The following SCN11A variants were observed in gnomAD, a reference collection of about 807,000 sequenced individuals.
SCN11A encodes the protein sodium voltage-gated channel alpha subunit 11.
A neutral mutation model predicts 162.2 loss-of-function variants in SCN11A; 122 were observed. That is an observed-to-expected ratio of 0.75 (90% CI 0.65 to 0.87). SCN11A has a LOEUF of 0.87. Among genes scored for constraint, SCN11A ranks in the 40% least tolerant of loss-of-function variants. The pLI is 0.00. For missense variants in SCN11A, 2,015 were observed against 2,181.6 expected (o/e 0.92, Z 1.52); for synonymous variants, 758 against 751.5 (o/e 1.01, Z -0.14).
chr3:39,034,912 T>C (rs991304581), intron 1 of SCN11A, among the ~76,000 whole-genome samples: 1 of 151,984 alleles, frequency 6.6e-6, no homozygotes, highest in Non-Finnish European at 1.5e-5. Flanking sequence ...ATCTCTATAA[T>C]GAAAACTATA....
chr3:38,973,207 T>C (rs1391501875), intron 2 of SCN11A, among the ~76,000 whole-genome samples: 2 of 152,260 alleles, frequency 1.3e-5, no homozygotes, highest in African/African-American at 2.4e-5. Flanking sequence ...TTTAATCTTA[T>C]GTTTAGAAAC....
At chr3:38,938,164 G>A (rs1188806764) in intron 7 of SCN11A, among the ~76,000 whole-genome samples, 4 of 151,912 alleles carry the variant, frequency 2.6e-5, no homozygotes, top group South Asian at 2.1e-4. Context: ...CTCACTCATA[G>A]GTGGGAATTG....
intron 22 of SCN11A, among the ~76,000 whole-genome samples, chr3:38,881,542 A>C (rs74833943): frequency 0.097 from 14,793 of 152,222 alleles, 962 homozygotes; most frequent in East Asian, 0.19. Context: ...TTTCTGACAC[A>C]GGAAGCTCTT....
chr3:38,932,020 T>A (rs190476739), intron 7 of SCN11A, among the ~76,000 whole-genome samples: 1 of 152,114 alleles, frequency 6.6e-6, no homozygotes, highest in South Asian at 2.1e-4. Flanking sequence ...CCAAGTCAGA[T>A]ACCACAAATG....
Position 38,846,770 on chromosome 3 carries a change from T to C in SCN11A, c.5300A>G (p.His1767Arg). Residue 1767 changes from histidine to arginine, a missense_variant, in exon 30 of 30, where the codon CAT becomes CGT. By Grantham distance (29) the His-to-Arg change is conservative. Coordinates refer to ENST00000302328, the MANE Select transcript of SCN11A (RefSeq NM_001349253.2). ...ATTGCAAAGAGTCTGGAGTGGTGAA[T>C]GAGGCCCGTTTTCCAAGTCATTTTG... The part of the protein sequence containing the change: ...GDQNDLENGP[H>R]SPLQTLCNGD... The C allele has an allele frequency of 6.2e-7, 1 of 1,614,104 alleles. No individual in the cohort carries two copies.
At chr3:39,010,842 G>T (rs34753329) in intron 2 of SCN11A, among the ~76,000 whole-genome samples, 3,143 of 152,286 alleles carry the variant, frequency 0.021, 56 homozygotes, top group Non-Finnish European at 0.029. Context: ...TTTCCGAACT[G>T]GGGGGTGGAA....
At chr3:38,993,137 G>C (rs2030505353) in intron 2 of SCN11A, among the ~76,000 whole-genome samples, 1 of 152,338 alleles carries the variant, frequency 6.6e-6, no homozygotes, top group South Asian at 2.1e-4. Context: ...GTGATTGTTT[G>C]AGATGACTGT....
At position 38,878,076 on chromosome 3, in the gene SCN11A, G is replaced by A. The variant is rs560240046; in HGVS notation, c.3393+1874C>T. 7.3e-5 allele frequency among the ~76,000 whole-genome samples: 11 copies of A among 151,610 alleles called. No homozygotes were observed. In the East Asian group the frequency reaches 7.8e-4, roughly 11 times the overall value. Reference sequence around the variant, plus strand: ...ACATTAGGTACAGTGTACACTGATCGGGCGATGGGGCACCAAAATCTCAGA... The same window carrying A: ...ACATTAGGTACAGTGTACACTGATCAGGCGATGGGGCACCAAAATCTCAGA... On this transcript the variant is annotated intron_variant, in intron 23 of 29. Coordinates refer to ENST00000302328, the MANE Select transcript of SCN11A (RefSeq NM_001349253.2).
chr3:39,049,370 T>C (rs1001678667), intron 1 of SCN11A, among the ~76,000 whole-genome samples: 21 of 152,236 alleles, frequency 1.4e-4, no homozygotes, highest in African/African-American at 3.6e-4. Context: ...AAAAGCAATA[T>C]AGTGTTAGAG....
At chr3:38,986,701 T>G (rs2030259292) in intron 2 of SCN11A, among the ~76,000 whole-genome samples, 1 of 152,108 alleles carries the variant, frequency 6.6e-6, no homozygotes, top group African/African-American at 2.4e-5. Flanking sequence ...AGATCAACCA[T>G]GTTGGAGAGG....
At position 38,894,795 on chromosome 3, in the gene SCN11A, C is replaced by A. The variant is rs886661121; in HGVS notation, c.2573G>T (p.Cys858Phe). 1 of 1,614,178 alleles carries A rather than the reference C, an allele frequency of 6.2e-7. No individual in the cohort carries two copies. Among genetic ancestry groups the A allele is most frequent in the Non-Finnish European group, 8.5e-7 (1 of 1,180,026 alleles). The change falls in exon 19 of 30, where the codon TGC becomes TTC. Residue 858 changes from cysteine to phenylalanine, a missense_variant. Coordinates refer to ENST00000302328, the MANE Select transcript of SCN11A (RefSeq NM_001349253.2). ...HTLEHFCHKW[C>F]RKQNLPQQKE... Reference sequence around the variant, plus strand: ...TTGCTGTGGTAAGTTTTGCTTCCTGCACCACTTGTGACAGAAATGCTCAAG... The same window carrying A: ...TTGCTGTGGTAAGTTTTGCTTCCTGAACCACTTGTGACAGAAATGCTCAAG...
chr3:39,027,313 C>T (rs1157728275), intron 2 of SCN11A, among the ~76,000 whole-genome samples: 1 of 152,144 alleles, frequency 6.6e-6, no homozygotes, highest in Non-Finnish European at 1.5e-5. Context: ...CAGGATAGAT[C>T]CTCCTTCAGT....
At chr3:38,924,083 G>A (rs529085138) in intron 9 of SCN11A, among the ~76,000 whole-genome samples, 10 of 152,208 alleles carry the variant, frequency 6.6e-5, no homozygotes, top group African/African-American at 2.2e-4. Context: ...GTGGAAGCCG[G>A]GATCTTTAGT....
intron 7 of SCN11A, among the ~76,000 whole-genome samples, chr3:38,928,652 A>T (rs1380541177): frequency 1.3e-5 from 2 of 152,244 alleles, no homozygotes; most frequent in Non-Finnish European, 2.9e-5. Context: ...TCCAAAGATG[A>T]AATACAAATG....
rs183308586 is a variant in SCN11A, at chr3:38,972,281, G to T, written c.-279-11858C>A. Among the ~76,000 whole-genome samples the T allele has an allele frequency of 5.9e-5, 9 of 152,228 alleles. No individual in the cohort carries two copies. In the East Asian group the frequency reaches 1.7e-3, roughly 29 times the overall value. On this transcript the variant is annotated intron_variant, in intron 2 of 29. Transcript: ENST00000302328. ...CATTTCTCCAGGACCTCATAGCCAT[G>T]ATCAAGGGCTGACAAACCACCATTC... is the stretch of plus-strand genomic sequence containing the variant.
intron 11 of SCN11A, among the ~76,000 whole-genome samples, chr3:38,919,711 T>C: frequency 6.6e-6 from 1 of 152,212 alleles, no homozygotes; most frequent in Non-Finnish European, 1.5e-5. Context: ...AGTAGGTTTC[T>C]TATAAGCTTC....
intron 2 of SCN11A, among the ~76,000 whole-genome samples, chr3:39,008,753 C>T (rs1167561038): frequency 1.3e-5 from 2 of 151,886 alleles, no homozygotes; most frequent in South Asian, 2.1e-4. Flanking sequence ...TGTAGTGGCA[C>T]GTGCCTGTAG....
intron 2 of SCN11A, among the ~76,000 whole-genome samples, chr3:39,012,484 T>C (rs1416692741): frequency 5.2e-4 from 65 of 125,026 alleles, no homozygotes; most frequent in African/African-American, 2.5e-3. Context: ...CTTTCTCTCT[T>C]TCTTTTTTTT....
At chr3:38,864,679 G>A (rs1159424889) in intron 27 of SCN11A, among the ~76,000 whole-genome samples, 1 of 152,116 alleles carries the variant, frequency 6.6e-6, no homozygotes, top group Non-Finnish European at 1.5e-5. Flanking sequence ...TCTAGACTGT[G>A]GTCTTGGAAA....
Sources: gnomAD v4.1 joint callset for allele counts (sites outside exome capture counted in the v4.1 genomes callset) on GRCh38, gnomAD v4.1.1 for gene constraint, MANE v1.5 for transcripts, NCBI Gene and HGNC (gene_info 2026-07-23, HGNC 2026-07-21) for gene names.